The following FAM167A variants were observed in gnomAD, a reference collection of about 807,000 sequenced individuals.
The protein encoded by FAM167A is family with sequence similarity 167 member A, also known as protein FAM167A.
A neutral mutation model predicts 14.9 loss-of-function variants in FAM167A; 23 were observed. That is an observed-to-expected ratio of 1.55 (90% CI 1.11 to 2.19). The LOEUF (loss-of-function observed/expected upper bound fraction) is 2.19. Ranked by LOEUF, FAM167A falls within the 30% of genes most tolerant of loss-of-function variation. The probability of loss-of-function intolerance (pLI) is 0.00; values close to 1 mark genes in which losing one functional copy is unlikely to be tolerated. For missense variants in FAM167A, 401 were observed against 281.5 expected, an observed-to-expected ratio of 1.42 and a Z score of -3.04; for synonymous variants, 174 against 117.7, an observed-to-expected ratio of 1.48 and a Z score of -3.10.
At chr8:11,471,083 C>T (rs1325034483), upstream of FAM167A, among the ~76,000 whole-genome samples, 1 of 152,188 alleles carries the variant, frequency 6.6e-6, no homozygotes, top group African/African-American at 2.4e-5. Flanking sequence ...ACAGAGCAGT[C>T]ACCACACAGA....
chr8:11,442,266 C>T (rs533139799), intron 2 of FAM167A, among the ~76,000 whole-genome samples: 1 of 152,198 alleles, frequency 6.6e-6, no homozygotes, highest in African/African-American at 2.4e-5. Flanking sequence ...GACTCGAGGC[C>T]CAGGCTGCAC....
intron 2 of FAM167A, chr8:11,443,769 G>A: frequency 2.2e-6 from 1 of 462,080 alleles, no homozygotes; most frequent in Non-Finnish European, 3.9e-6. Flanking sequence ...ACCTTAACAT[G>A]GGTTCAGGTT....
rs551137663 is a variant in FAM167A at position 11,435,483 on chromosome 8, G to A, written c.381+8548C>T. On this transcript the variant is annotated intron_variant, in intron 2 of 2. Transcript: ENST00000284486. Reference sequence around the variant, plus strand: ...GATGAATGAATCAATGAATCAATCCGTTAGTTAAATTTCCCCAGAGCCAAG... The same window carrying A: ...GATGAATGAATCAATGAATCAATCCATTAGTTAAATTTCCCCAGAGCCAAG... 2.6e-5 allele frequency among the ~76,000 whole-genome samples: 4 copies of A among 152,330 alleles called. No homozygotes were observed. In the East Asian group the frequency reaches 5.8e-4, roughly 22 times the overall value.
chr8:11,438,073 C>A (rs1217792607), intron 2 of FAM167A: 4 of 447,910 alleles, frequency 8.9e-6, no homozygotes, highest in South Asian at 6.3e-5. Flanking sequence ...CCTGACCCAT[C>A]CACCTTGGCC....
At chr8:11,459,724 C>A (rs1414802005) in intron 1 of FAM167A, among the ~76,000 whole-genome samples, 2 of 152,186 alleles carry the variant, frequency 1.3e-5, no homozygotes, top group African/African-American at 4.8e-5. Context: ...CATTTCTTTT[C>A]TTTTTTTGAG....
chr8:11,436,488 C>G (rs1806023961), intron 2 of FAM167A, among the ~76,000 whole-genome samples: 1 of 152,200 alleles, frequency 6.6e-6, no homozygotes, highest in Non-Finnish European at 1.5e-5. Context: ...CTCGGCCATG[C>G]TGCTGGGGGT....
chr8:11,436,548 T>C (rs993304263), intron 2 of FAM167A, among the ~76,000 whole-genome samples: 1 of 152,152 alleles, frequency 6.6e-6, no homozygotes, highest in African/African-American at 2.4e-5. Context: ...GCAGGGGCTG[T>C]CTCCCTGCTC....
At chr8:11,472,429 T>C (rs986273985), upstream of FAM167A, among the ~76,000 whole-genome samples, 40 of 138,968 alleles carry the variant, frequency 2.9e-4, no homozygotes, top group African/African-American at 1.0e-3. Context: ...TTGTTTTTTG[T>C]TTTTTGGGTT....
At chr8:11,465,379 C>A (rs1407737716) in intron 1 of FAM167A, among the ~76,000 whole-genome samples, 1 of 152,172 alleles carries the variant, frequency 6.6e-6, no homozygotes, top group Admixed American at 6.5e-5. Context: ...GGAGCCACAC[C>A]AGGTCACTCA....
intron 1 of FAM167A, among the ~76,000 whole-genome samples, chr8:11,463,071 G>A (rs1490503019): frequency 1.3e-5 from 2 of 152,140 alleles, no homozygotes; most frequent in African/African-American, 4.8e-5. Flanking sequence ...TATGGACTCC[G>A]CTGGACTTGT....
upstream of FAM167A, among the ~76,000 whole-genome samples, chr8:11,470,015 A>C (rs7002645): frequency 9.7e-3 from 1,481 of 152,378 alleles, 13 homozygotes; most frequent in African/African-American, 0.027. Flanking sequence ...TAAATACCAG[A>C]CATTGTTCTA....
At chr8:11,450,436 G>C (rs1806976865) in intron 1 of FAM167A, among the ~76,000 whole-genome samples, 2 of 152,222 alleles carry the variant, frequency 1.3e-5, no homozygotes, top group South Asian at 2.1e-4. Context: ...TGAAGAGACT[G>C]AGGCATAGAC....
chr8:11,443,618 A>AC (rs1421173996), intron 2 of FAM167A: 1 of 185,598 alleles, frequency 5.4e-6, no homozygotes, highest in African/African-American at 2.4e-5. Context: ...GAGGCCGCTC[A>AC]CGTGCAGAAG....
intron 2 of FAM167A, among the ~76,000 whole-genome samples, chr8:11,431,655 C>T (rs533826764): frequency 1.3e-5 from 2 of 152,252 alleles, no homozygotes; most frequent in African/African-American, 4.8e-5. Context: ...CAGGGGACCT[C>T]CTTAGTCCTG....
chr8:11,462,227 C>T (rs1179714448), intron 1 of FAM167A, among the ~76,000 whole-genome samples: 1 of 152,202 alleles, frequency 6.6e-6, no homozygotes, highest in Non-Finnish European at 1.5e-5. Context: ...AGGGATGGAG[C>T]AAGTTAGAAC....
At chr8:11,437,520 A>C (rs569693776) in intron 2 of FAM167A, among the ~76,000 whole-genome samples, 1 of 152,342 alleles carries the variant, frequency 6.6e-6, no homozygotes, top group East Asian at 1.9e-4. Context: ...ATATGGTAGA[A>C]TCTGACTTGA....
chr8:11,469,842 C>T (rs34932002), upstream of FAM167A, among the ~76,000 whole-genome samples: 44,097 of 151,342 alleles, frequency 0.29, 7,079 homozygotes, highest in East Asian at 0.62. Context: ...ATTGCACCAC[C>T]GCACTCCAGC....
rs543697761 is a variant in FAM167A at position 11,440,194 on chromosome 8, C to G, written c.381+3837G>C. Among the ~76,000 whole-genome samples, 18 of 152,324 alleles carry G rather than the reference C, an allele frequency of 1.2e-4. No individual in the cohort carries two copies. In the South Asian group the frequency reaches 2.9e-3, roughly 25 times the overall value. ...GAGACTGGGCCTCGCCTGGAGGAGT[C>G]AGGTGGCCGCAGCCCTGCCTGCCAC... On this transcript the variant is annotated intron_variant, in intron 2 of 2. Transcript: ENST00000284486.
In FAM167A at chr8:11,444,212, G is replaced by A; in HGVS notation, c.200C>T (p.Pro67Leu). The change falls in exon 2 of 3, where the codon CCA becomes CTA. Residue 67 changes from proline to leucine, a missense_variant. Transcript: ENST00000284486. ...TWPFPRPAAEPQASLEEGERG... is the reference protein window; with the variant it reads ...TWPFPRPAAELQASLEEGERG... ...CTCCCCCTCCTCCAAGCTCGCCTGT[G>A]GCTCCGCAGCCGGCCTCGGGAAGGG... 1 of 1,612,740 alleles carries A rather than the reference G, an allele frequency of 6.2e-7. No homozygotes were observed. The highest frequency in any genetic ancestry group is 8.5e-7 in the Non-Finnish European group (1 of 1,179,828).
Sources: allele counts gnomAD v4.1 joint callset (sites outside exome capture counted in the v4.1 genomes callset), GRCh38; gene constraint gnomAD v4.1.1; transcripts MANE v1.5; gene names NCBI Gene and HGNC (gene_info 2026-07-23, HGNC 2026-07-21).